Variants in INPP4B observed in about 807,000 individuals in gnomAD.
INPP4B encodes the protein inositol polyphosphate-4-phosphatase type II B.
Under a neutral mutation model 122.5 loss-of-function variants are expected in INPP4B, and 55 were observed. The ratio of observed to expected loss-of-function variants is 0.45; its 90% CI spans 0.36 to 0.56. The LOEUF (loss-of-function observed/expected upper bound fraction) is 0.56. Ranked by LOEUF, INPP4B falls within the 20% of genes least tolerant of loss-of-function variation. The pLI is 0.00. For synonymous variants in INPP4B, 403 were observed against 388.7 expected (o/e 1.04, Z -0.43); for missense variants, 1,000 against 1,097.7 (o/e 0.91, Z 1.26).
chr4:142,613,077 C>G (rs779180571), intron 2 of INPP4B, among the ~76,000 whole-genome samples: 2 of 152,046 alleles, frequency 1.3e-5, no homozygotes, highest in African/African-American at 4.8e-5. Context: ...GCTAGAGATC[C>G]GGCTGCTGCT....
chr4:142,305,266 A>G (rs996370175), intron 9 of INPP4B, among the ~76,000 whole-genome samples, 192 bp downstream of exon 9: 4 of 152,194 alleles, frequency 2.6e-5, no homozygotes, highest in Non-Finnish European at 5.9e-5. Flanking sequence ...ACATTTCACA[A>G]CCTGAAACAT....
At chr4:142,621,736 T>C (rs1580526416) in intron 2 of INPP4B, among the ~76,000 whole-genome samples, 1 of 151,838 alleles carries the variant, frequency 6.6e-6, no homozygotes, top group Non-Finnish European at 1.5e-5. Context: ...ACATATTCTA[T>C]GTACATAATA....
At chr4:142,433,216 T>G (rs1278473860) in intron 3 of INPP4B, among the ~76,000 whole-genome samples, 1 of 152,192 alleles carries the variant, frequency 6.6e-6, no homozygotes, top group Non-Finnish European at 1.5e-5. Context: ...TTTTAGCTGT[T>G]AAGTAGAGCA....
At chr4:142,031,863 T>C (rs1740419160) in intron 25 of INPP4B, among the ~76,000 whole-genome samples, 1 of 152,212 alleles carries the variant, frequency 6.6e-6, no homozygotes, top group Admixed American at 6.5e-5. Flanking sequence ...ATTGCTGCTG[T>C]GTAGGCACTG....
chr4:142,685,261 G>A (rs1759179935), intron 2 of INPP4B, among the ~76,000 whole-genome samples: 2 of 151,954 alleles, frequency 1.3e-5, no homozygotes, highest in Non-Finnish European at 2.9e-5. Context: ...TATTTTACAA[G>A]AAGAACATTT....
intron 3 of INPP4B, among the ~76,000 whole-genome samples, chr4:142,451,541 G>A (rs1416592509): frequency 2.0e-5 from 3 of 152,038 alleles, no homozygotes; most frequent in East Asian, 1.9e-4. Flanking sequence ...GTGAGCCACC[G>A]CTCCCAGCCT....
At chr4:142,704,249 T>C (rs1245520013) in intron 2 of INPP4B, among the ~76,000 whole-genome samples, 1 of 152,154 alleles carries the variant, frequency 6.6e-6, no homozygotes, top group African/African-American at 2.4e-5. Context: ...AGAGTGAGAC[T>C]GATAAATAAC....
chr4:142,176,118 T>TTTA (rs146074826), intron 15 of INPP4B, among the ~76,000 whole-genome samples: 9,207 of 137,512 alleles, frequency 0.067, 646 homozygotes, highest in African/African-American at 0.18. Flanking sequence ...ACTGCTTTCT[T>TTTA]TTATTATTAT....
At chr4:142,547,789 T>C (rs1178938934) in intron 2 of INPP4B, among the ~76,000 whole-genome samples, 1 of 152,200 alleles carries the variant, frequency 6.6e-6, no homozygotes, top group Non-Finnish European at 1.5e-5. Flanking sequence ...TCTATTTTCT[T>C]ATCTGTGGAA....
chr4:142,471,103 T>G (rs1375590141), intron 2 of INPP4B, among the ~76,000 whole-genome samples: 4 of 151,450 alleles, frequency 2.6e-5, no homozygotes, highest in African/African-American at 7.4e-5. Context: ...CATCTTACTA[T>G]TCTTTAACTT....
At chr4:142,436,381 G>A (rs1391809373) in intron 3 of INPP4B, among the ~76,000 whole-genome samples, 1 of 152,160 alleles carries the variant, frequency 6.6e-6, no homozygotes, top group Non-Finnish European at 1.5e-5. Context: ...CTCCAGTGCA[G>A]CACACCCCCT....
intron 1 of INPP4B, among the ~76,000 whole-genome samples, chr4:142,780,093 G>A (rs1184416903): frequency 1.3e-5 from 2 of 152,146 alleles, no homozygotes; most frequent in African/African-American, 4.8e-5. Context: ...AGAAAGAATA[G>A]AGCAACTTCT....
intron 25 of INPP4B, among the ~76,000 whole-genome samples, chr4:142,031,328 C>T (rs375525127): frequency 3.9e-5 from 6 of 152,264 alleles, no homozygotes; most frequent in Non-Finnish European, 5.9e-5. Flanking sequence ...AAACTTCTAA[C>T]GAAGCTCCTT....
intron 22 of INPP4B, among the ~76,000 whole-genome samples, chr4:142,109,176 A>G (rs1375430982): frequency 6.6e-6 from 1 of 151,674 alleles, no homozygotes; most frequent in Non-Finnish European, 1.5e-5. Context: ...ATTATATATT[A>G]AGATATTTAA....
At chr4:142,303,494 C>T (rs1035873244) in intron 9 of INPP4B, among the ~76,000 whole-genome samples, 2 of 151,918 alleles carry the variant, frequency 1.3e-5, no homozygotes, top group Non-Finnish European at 2.9e-5. Context: ...TAAGGCTGAC[C>T]TAAGGCTCTT....
intron 11 of INPP4B, among the ~76,000 whole-genome samples, chr4:142,240,630 A>G (rs1858887345): frequency 6.6e-6 from 1 of 152,186 alleles, no homozygotes; most frequent in African/African-American, 2.4e-5. Flanking sequence ...TCCAAACATT[A>G]GTACTAAATT....
At chr4:142,665,749 A>T (rs1020710132) in intron 2 of INPP4B, among the ~76,000 whole-genome samples, 1 of 152,112 alleles carries the variant, frequency 6.6e-6, no homozygotes. Context: ...AAAGCACCAA[A>T]AATAACTAAT....
rs111431634 is a variant in INPP4B at position 142,671,098 on chromosome 4, A to G, written c.-191+54741T>C. ...GGAAGATAATTATTTCTAGGGCACT[A>G]GATGGGGAAAAGAATATAGATGTAG... On this transcript the variant is annotated intron_variant, in intron 2 of 25. Transcript: ENST00000262992. 1.7e-3 allele frequency among the ~76,000 whole-genome samples: 264 copies of G among 152,240 alleles called. 2 individuals are homozygous for G. The highest frequency in any genetic ancestry group is 6.0e-3 in the African/African-American group (248 of 41,554).
intron 2 of INPP4B, among the ~76,000 whole-genome samples, chr4:142,595,238 C>T (rs2150268046): frequency 6.6e-6 from 1 of 152,120 alleles, no homozygotes; most frequent in East Asian, 1.9e-4. Flanking sequence ...CTCTCCCTGC[C>T]TATTTGTTCC....
Sources: gnomAD v4.1 joint callset for allele counts (sites outside exome capture counted in the v4.1 genomes callset) on GRCh38, gnomAD v4.1.1 for gene constraint, MANE v1.5 for transcripts, NCBI Gene and HGNC (gene_info 2026-07-23, HGNC 2026-07-21) for gene names.